Variants in SLAIN1 observed in about 807,000 individuals in gnomAD.
SLAIN1 encodes SLAIN motif-containing protein 1.
Under a neutral mutation model 55.4 loss-of-function variants are expected in SLAIN1, and 17 were observed. That is an observed-to-expected ratio of 0.31 (90% CI 0.21 to 0.46). The LOEUF (loss-of-function observed/expected upper bound fraction) is 0.46, where lower values mean the gene tolerates loss of function less well. SLAIN1 is among the 20% of genes least tolerant of loss of function. The probability of loss-of-function intolerance (pLI) is 1.00; values close to 1 mark genes in which losing one functional copy is unlikely to be tolerated. For missense variants in SLAIN1, 682 were observed against 785.1 expected (o/e 0.87, Z 1.57); for synonymous variants, 348 against 337.4 (o/e 1.03, Z -0.35).
In SLAIN1 at chr13:77,697,866, CGCGGCGGCGCGCACTCCCCG is replaced by C; in HGVS notation, c.-42_-23del. 1 of 1,278,286 alleles carries C rather than the reference CGCGGCGGCGCGCACTCCCCG, an allele frequency of 7.8e-7. No individual in the cohort carries two copies. Among genetic ancestry groups the C allele is most frequent in the African/African-American group, 1.6e-5 (1 of 62,860 alleles). 79.2% of individuals were successfully genotyped at this position (1,278,286 alleles called of 1,614,324 possible). On this transcript the variant is annotated 5_prime_UTR_variant, in exon 1 of 7. Transcript: ENST00000418532. ...GCCTCCCCGTGGCCCGAGGAGCCGG[CGCGGCGGCGCGCACTCCCCG>C]GCGGCCGCGGCGCCCTCGGGGCCCA... is the stretch of plus-strand genomic sequence containing the variant.
At chr13:77,745,522 A>T (rs181676276) in intron 3 of SLAIN1, among the ~76,000 whole-genome samples, 4 of 152,242 alleles carry the variant, frequency 2.6e-5, no homozygotes, top group African/African-American at 9.6e-5. Context: ...ATAAAGTTAC[A>T]AAAAATTATC....
intron 2 of SLAIN1, among the ~76,000 whole-genome samples, chr13:77,721,951 G>C (rs1039192962): frequency 6.8e-6 from 1 of 147,348 alleles, no homozygotes; most frequent in Admixed American, 6.9e-5. Context: ...ATACATATAA[G>C]CATTATGTCA....
chr13:77,716,546 A>C (rs1158306332), intron 1 of SLAIN1, among the ~76,000 whole-genome samples: 2 of 152,152 alleles, frequency 1.3e-5, no homozygotes, highest in African/African-American at 2.4e-5. Flanking sequence ...TTTAATTCTC[A>C]GAATGTTTTG....
intron 2 of SLAIN1, among the ~76,000 whole-genome samples, chr13:77,736,417 T>C (rs1873121995): frequency 6.6e-6 from 1 of 152,066 alleles, no homozygotes; most frequent in African/African-American, 2.4e-5. Flanking sequence ...CTTTTTTCCA[T>C]GCTTTTCTTT....
intron 2 of SLAIN1, among the ~76,000 whole-genome samples, chr13:77,729,791 A>G (rs533289369): frequency 6.6e-6 from 1 of 152,322 alleles, no homozygotes; most frequent in South Asian, 2.1e-4. Context: ...TAAAAGAAGC[A>G]TAATGATGCG....
chr13:77,757,489 G>A (rs1403923076), intron 5 of SLAIN1, among the ~76,000 whole-genome samples: 1 of 151,468 alleles, frequency 6.6e-6, no homozygotes, highest in Non-Finnish European at 1.5e-5. Context: ...TGGTTACATG[G>A]ATAAGTTATT....
intron 1 of SLAIN1, among the ~76,000 whole-genome samples, chr13:77,703,144 G>T (rs2091047774): frequency 6.6e-6 from 1 of 152,110 alleles, no homozygotes; most frequent in Non-Finnish European, 1.5e-5. Flanking sequence ...ACAGAACATT[G>T]AGACTATATA....
At chr13:77,724,651 G>A (rs1053069029) in intron 2 of SLAIN1, among the ~76,000 whole-genome samples, 2 of 152,122 alleles carry the variant, frequency 1.3e-5, no homozygotes, top group East Asian at 1.9e-4. Context: ...TTATGGTTTT[G>A]ACCCACACTT....
At chr13:77,756,670 C>G (rs945535198) in intron 5 of SLAIN1, among the ~76,000 whole-genome samples, 6 of 152,010 alleles carry the variant, frequency 3.9e-5, no homozygotes, top group Non-Finnish European at 7.4e-5. Flanking sequence ...TAGAAATAAC[C>G]TAGCTTTCTG....
At chr13:77,712,392 T>G (rs2091160951) in intron 1 of SLAIN1, among the ~76,000 whole-genome samples, 1 of 152,186 alleles carries the variant, frequency 6.6e-6, no homozygotes, top group African/African-American at 2.4e-5. Flanking sequence ...AAAATCAATG[T>G]GCAAAAAATC....
intron 1 of SLAIN1, among the ~76,000 whole-genome samples, chr13:77,701,051 G>C (rs2091026005): frequency 6.6e-6 from 1 of 151,940 alleles, no homozygotes; most frequent in Non-Finnish European, 1.5e-5. Flanking sequence ...ACATACATTG[G>C]ACATTTGTGT....
rs541972918 is a variant in SLAIN1, at chr13:77,733,190, A to T, written c.767-11093A>T. Among the ~76,000 whole-genome samples, 3 of 152,284 alleles carry T rather than the reference A, an allele frequency of 2.0e-5. No homozygotes were observed. In the South Asian group the frequency reaches 6.2e-4, roughly 32 times the overall value. On this transcript the variant is annotated intron_variant, in intron 2 of 6. Transcript: ENST00000418532. ...GGAATTTGTAACTCTCATTCAACAA[A>T]TATTTATGAAACATTTACCTGCCAA...
chr13:77,729,870 C>T (rs548855426), intron 2 of SLAIN1, among the ~76,000 whole-genome samples: 4 of 152,034 alleles, frequency 2.6e-5, no homozygotes, highest in Non-Finnish European at 5.9e-5. Flanking sequence ...CAGCTGGGAC[C>T]GGAGAGTCAG....
intron 4 of SLAIN1, among the ~76,000 whole-genome samples, chr13:77,751,699 C>T (rs1462326669): frequency 2.6e-5 from 4 of 152,144 alleles, no homozygotes; most frequent in African/African-American, 9.7e-5. Flanking sequence ...GGCCTTGAAG[C>T]CCTCATCTGG....
At chr13:77,706,105 C>T (rs1279481897) in intron 1 of SLAIN1, among the ~76,000 whole-genome samples, 2 of 152,114 alleles carry the variant, frequency 1.3e-5, no homozygotes, top group Non-Finnish European at 2.9e-5. Flanking sequence ...ACATAGGCAT[C>T]ACTTTATACT....
intron 1 of SLAIN1, among the ~76,000 whole-genome samples, chr13:77,716,673 T>C (rs1283276404): frequency 6.6e-6 from 1 of 152,120 alleles, no homozygotes; most frequent in Non-Finnish European, 1.5e-5. Context: ...TATGAATTCG[T>C]TTGTTGTTAA....
At chr13:77,734,480 T>G (rs1873016995) in intron 2 of SLAIN1, among the ~76,000 whole-genome samples, 1 of 152,128 alleles carries the variant, frequency 6.6e-6, no homozygotes, top group Non-Finnish European at 1.5e-5. Context: ...TCAAGATAAA[T>G]AAGTAAGAAC....
intron 2 of SLAIN1, among the ~76,000 whole-genome samples, chr13:77,722,702 G>C (rs1410085102): frequency 6.6e-6 from 1 of 152,118 alleles, no homozygotes; most frequent in East Asian, 1.9e-4. Context: ...TATTATGATA[G>C]AAAGTTATAT....
chr13:77,697,722 A>G lies in SLAIN1; in HGVS notation c.-192A>G, dbSNP rs1001205161. On this transcript the variant is annotated 5_prime_UTR_variant, in exon 1 of 7. Coordinates refer to ENST00000418532, the MANE Select transcript of SLAIN1 (RefSeq NM_001242868.2). ...GGGACGCACTGAGCATGTGCAGATC[A>G]GCTCGGTGGTGGCTGCCGCGGCCGG... is the stretch of plus-strand genomic sequence containing the variant. 2.8e-4 allele frequency: 89 copies of G among 315,750 alleles called. 1 individual carries two copies. In the East Asian group the frequency reaches 6.1e-3, roughly 22 times the overall value. 19.6% of individuals were successfully genotyped at this position (315,750 alleles called of 1,614,324 possible).
Sources: gnomAD v4.1 joint callset for allele counts (sites outside exome capture counted in the v4.1 genomes callset) on GRCh38, gnomAD v4.1.1 for gene constraint, MANE v1.5 for transcripts, NCBI Gene and HGNC (gene_info 2026-07-23, HGNC 2026-07-21) for gene names.